The following QTMAN variants were observed in gnomAD, a reference collection of about 807,000 sequenced individuals.
QTMAN encodes tRNA-queuosine alpha-mannosyltransferase.
chr2:143,994,699 T>C, the QTMAN span, among the ~76,000 whole-genome samples: 62 of 152,168 alleles, frequency 4.1e-4, 1 homozygote, highest in Admixed American at 3.9e-4. Flanking sequence ...AAATCTATAG[T>C]GAAAGCAAGT....
At chr2:144,001,688 C>T in the QTMAN span, among the ~76,000 whole-genome samples, 1 of 151,774 alleles carries the variant, frequency 6.6e-6, no homozygotes, top group Non-Finnish European at 1.5e-5. Context: ...ATGATCAGAG[C>T]AGAATTTCTT....
chr2:143,991,784 G>C, the QTMAN span, among the ~76,000 whole-genome samples: 9 of 148,014 alleles, frequency 6.1e-5, no homozygotes, highest in African/African-American at 2.0e-4. Flanking sequence ...GGAGGGAGGT[G>C]GGGGGTCAGC....
At chr2:144,153,281 A>G in the QTMAN span, among the ~76,000 whole-genome samples, 3 of 152,182 alleles carry the variant, frequency 2.0e-5, no homozygotes, top group Admixed American at 2.0e-4. Flanking sequence ...CTCAGTTTTT[A>G]ATGCTTATTG....
chr2:144,093,274 C>T, the QTMAN span, among the ~76,000 whole-genome samples: 1 of 152,130 alleles, frequency 6.6e-6, no homozygotes, highest in African/African-American at 2.4e-5. Context: ...TGGCTAAAGC[C>T]GAGATACCCA....
chr2:144,185,938 C>A, the QTMAN span, among the ~76,000 whole-genome samples: 1 of 152,160 alleles, frequency 6.6e-6, no homozygotes, highest in Non-Finnish European at 1.5e-5. Flanking sequence ...TAAAGTCGTA[C>A]ACAAATGGCA....
the QTMAN span, among the ~76,000 whole-genome samples, chr2:144,304,289 G>A: frequency 6.6e-6 from 1 of 152,184 alleles, no homozygotes; most frequent in African/African-American, 2.4e-5. Flanking sequence ...CTATAGTAAA[G>A]GATACTCAAA....
chr2:144,287,696 A>G, the QTMAN span, among the ~76,000 whole-genome samples: 2 of 152,154 alleles, frequency 1.3e-5, no homozygotes, highest in Non-Finnish European at 2.9e-5. Flanking sequence ...GTCACACAGG[A>G]TAGAAGAGAG....
the QTMAN span, among the ~76,000 whole-genome samples, chr2:144,090,253 A>G: frequency 2.0e-5 from 3 of 152,222 alleles, no homozygotes; most frequent in East Asian, 5.8e-4. Context: ...TCTAAGCCCT[A>G]ATGTCATGCT....
At chr2:144,232,008 G>C in the QTMAN span, among the ~76,000 whole-genome samples, 1 of 151,960 alleles carries the variant, frequency 6.6e-6, no homozygotes, top group Non-Finnish European at 1.5e-5. Context: ...TCGCAAAACT[G>C]TCAGAATTCA....
At chr2:144,040,313 C>T in the QTMAN span, among the ~76,000 whole-genome samples, 2 of 151,904 alleles carry the variant, frequency 1.3e-5, no homozygotes. Flanking sequence ...GAAACTGTAC[C>T]CTCATGATTG....
At chr2:143,977,348 A>T in the QTMAN span, among the ~76,000 whole-genome samples, 21 of 152,286 alleles carry the variant, frequency 1.4e-4, no homozygotes, top group East Asian at 4.1e-3. Context: ...AGTGTAGCAT[A>T]CACCCTCCTA....
chr2:144,069,822 C>T, the QTMAN span, among the ~76,000 whole-genome samples: 4 of 151,978 alleles, frequency 2.6e-5, no homozygotes, highest in African/African-American at 9.7e-5. Flanking sequence ...TCTCATTGGA[C>T]ACTTATTTTT....
chr2:144,147,987 A>C, the QTMAN span, among the ~76,000 whole-genome samples: 1 of 151,874 alleles, frequency 6.6e-6, no homozygotes, highest in African/African-American at 2.4e-5. Flanking sequence ...TCTAGACTAA[A>C]GGAAATAAAG....
the QTMAN span, chr2:143,957,347 A>G: frequency 1.0e-4 from 156 of 1,558,472 alleles, no homozygotes; most frequent in Middle Eastern, 6.8e-4. Flanking sequence ...TATCTTTTAA[A>G]AACAAGAAAA....
At chr2:143,953,270 G>A in the QTMAN span, among the ~76,000 whole-genome samples, 1 of 151,788 alleles carries the variant, frequency 6.6e-6, no homozygotes, top group Non-Finnish European at 1.5e-5. Flanking sequence ...CACTGTCGCT[G>A]TAGAAAAGAT....
chr2:144,312,760 G>T, the QTMAN span, among the ~76,000 whole-genome samples: 2 of 152,150 alleles, frequency 1.3e-5, no homozygotes, highest in African/African-American at 4.8e-5. Flanking sequence ...GATAGTGAGT[G>T]AGTTCTCCTG....
At chr2:144,279,873 T>C in the QTMAN span, among the ~76,000 whole-genome samples, 1 of 152,118 alleles carries the variant, frequency 6.6e-6, no homozygotes, top group Non-Finnish European at 1.5e-5. Flanking sequence ...CAATGGGCCC[T>C]CAATGAGTCA....
the QTMAN span, among the ~76,000 whole-genome samples, chr2:144,303,826 G>C: frequency 1.3e-5 from 2 of 152,222 alleles, no homozygotes; most frequent in Non-Finnish European, 2.9e-5. Flanking sequence ...TAAAAGAAAG[G>C]GAAACCCTAT....
the QTMAN span, among the ~76,000 whole-genome samples, chr2:144,329,793 T>C: frequency 7.2e-5 from 11 of 152,218 alleles, no homozygotes; most frequent in Non-Finnish European, 1.2e-4. Flanking sequence ...AGTTCAAGTT[T>C]ACTATATCAT....
Sources: gnomAD v4.1 joint callset for allele counts (sites outside exome capture counted in the v4.1 genomes callset) on GRCh38, gnomAD v4.1.1 for gene constraint, MANE v1.5 for transcripts, NCBI Gene and HGNC (gene_info 2026-07-23, HGNC 2026-07-21) for gene names.